Variants in GYG2 observed in about 807,000 individuals in gnomAD.
The protein encoded by GYG2 is glycogenin-2.
In GYG2, 29 loss-of-function variants were observed where a neutral mutation model predicts 29.4. The ratio of observed to expected loss-of-function variants is 0.99; its 90% CI spans 0.74 to 1.35. The LOEUF is 1.35. GYG2 is among the 40% of genes most tolerant of loss of function. GYG2 has a pLI of 0.00. For synonymous variants in GYG2, 167 were observed against 172.3 expected, an observed-to-expected ratio of 0.97 and a Z score of 0.24; for missense variants, 370 against 385.7, an observed-to-expected ratio of 0.96 and a Z score of 0.34.
At chrX:2,861,865 T>TCTG (rs2088177890) in intron 8 of GYG2, 143 bp downstream of exon 8, 1 of 483,680 alleles carries the variant, frequency 2.1e-6, no homozygotes, top group African/African-American at 2.4e-5. Context: ...CATTCAAGGC[T>TCTG]CTGCATTTAT....
rs374324698 is a variant in GYG2, at chrX:2,856,754, A to ATCTG, written c.614+133_614+134insGTCT. The ATCTG allele has an allele frequency of 3.3e-3, 1,168 of 355,490 alleles. 19 individuals carry two copies. The African/African-American group carries it at 0.035, about 11-fold the overall frequency. The allele number at this position is 355,490 out of a possible 1,213,427, so 29.3% of individuals were successfully genotyped here. A position where few individuals can be genotyped will look rare whatever the true frequency, so the allele number is the denominator to read the frequency against. Reference sequence around the variant, plus strand: ...CTATCTATCATCTATCTATCTATGTATCTATCTATCTATCTATCTATCTAT... The same window carrying ATCTG: ...CTATCTATCATCTATCTATCTATGTATCTGTCTATCTATCTATCTATCTATCTAT... On this transcript the variant is annotated intron_variant, in intron 6 of 10. Transcript: ENST00000398806.
intron 2 of GYG2, among the ~76,000 whole-genome samples, chrX:2,841,014 TAGATAGAA>T (rs1350517652): frequency 1.9e-5 from 2 of 107,414 alleles, no homozygotes; most frequent in African/African-American, 6.8e-5. Flanking sequence ...TATAGATAGA[TAGATAGAA>T]GGATGGATAG....
chrX:2,846,616 G>A (rs1274009846), intron 3 of GYG2, among the ~76,000 whole-genome samples: 7 of 110,080 alleles, frequency 6.4e-5, no homozygotes, highest in Admixed American at 2.0e-4. Flanking sequence ...GTGGTGGTGC[G>A]CACCTATAGT....
At chrX:2,855,302 G>T in intron 5 of GYG2, 147 bp downstream of exon 5, 1 of 505,586 alleles carries the variant, frequency 2.0e-6, no homozygotes, top group Non-Finnish European at 3.3e-6. Context: ...AAGTGATTTT[G>T]TCATTGTATG....
intron 8 of GYG2, among the ~76,000 whole-genome samples, chrX:2,872,033 C>T (rs1012344191): frequency 9.0e-6 from 1 of 111,614 alleles, no homozygotes; most frequent in Non-Finnish European, 1.9e-5. Flanking sequence ...TCTGCCTTTA[C>T]GATGTCCTCT....
chrX:2,876,428 ACT>A (rs1251971759), intron 9 of GYG2, among the ~76,000 whole-genome samples: 1 of 110,297 alleles, frequency 9.1e-6, no homozygotes, highest in East Asian at 2.8e-4. Context: ...CTGTTTTTAA[ACT>A]CTCAAAGAGA....
intron 2 of GYG2, among the ~76,000 whole-genome samples, chrX:2,830,788 C>T (rs773629583): frequency 8.9e-6 from 1 of 111,753 alleles, no homozygotes; most frequent in African/African-American, 3.3e-5. Context: ...CTGGGCATTG[C>T]GGCACCTGCC....
intron 2 of GYG2, among the ~76,000 whole-genome samples, chrX:2,831,078 A>G (rs1330704475): frequency 1.8e-5 from 2 of 112,738 alleles, no homozygotes; most frequent in Non-Finnish European, 3.8e-5. Flanking sequence ...GGTTGACTTA[A>G]GAGGCCTAGA....
At chrX:2,839,058 A>G (rs2087441252) in intron 2 of GYG2, among the ~76,000 whole-genome samples, 1 of 112,423 alleles carries the variant, frequency 8.9e-6, no homozygotes, top group Admixed American at 9.5e-5. Context: ...TATATGTATA[A>G]AAATGAGGAA....
At chrX:2,837,507 C>T (rs1238984417) in intron 2 of GYG2, among the ~76,000 whole-genome samples, 2 of 110,676 alleles carry the variant, frequency 1.8e-5, no homozygotes, top group Non-Finnish European at 3.8e-5. Flanking sequence ...CTGAGCATCT[C>T]GAAGGTGGAC....
chrX:2,839,533 A>T (rs2087449484), intron 2 of GYG2, among the ~76,000 whole-genome samples: 1 of 111,621 alleles, frequency 9.0e-6, no homozygotes, highest in African/African-American at 3.3e-5. Flanking sequence ...AGGCCATATG[A>T]TGCTTAATTC....
intron 10 of GYG2, among the ~76,000 whole-genome samples, chrX:2,879,562 GCTAT>G (rs1240387872): frequency 8.9e-6 from 1 of 111,978 alleles, no homozygotes; most frequent in Non-Finnish European, 1.9e-5. Context: ...ACCACACCCG[GCTAT>G]CTATCTATTT....
At position 2,882,713 on chromosome X, in the gene GYG2, G is replaced by C. The variant is rs757282775; in HGVS notation, c.*1500G>C. On this transcript the variant is annotated 3_prime_UTR_variant, in exon 11 of 11. Transcript: ENST00000398806. The stretch of plus-strand genomic sequence containing the variant: ...AATTCATGTTCACGGGCAGTGATGA[G>C]TTGGCTTATGGAGTGAGTCCAGTCT... 5 of 110,253 alleles carry C rather than the reference G, an allele frequency of 4.5e-5. No individual in the cohort carries two copies. Among genetic ancestry groups the C allele is most frequent in the Non-Finnish European group, 7.6e-5 (4 of 52,835 alleles). The allele number at this position is 110,253 out of a possible 1,213,427, so 9.1% of individuals were successfully genotyped here.
intron 8 of GYG2, among the ~76,000 whole-genome samples, chrX:2,867,131 C>T (rs989304011): frequency 9.0e-6 from 1 of 111,585 alleles, no homozygotes; most frequent in Non-Finnish European, 1.9e-5. Context: ...AGCTCAAGGC[C>T]AAGGGTAAGA....
At chrX:2,847,594 C>T (rs1037981965) in intron 3 of GYG2, among the ~76,000 whole-genome samples, 1 of 105,186 alleles carries the variant, frequency 9.5e-6, no homozygotes, top group Non-Finnish European at 1.9e-5. Context: ...ATCCCAGCTA[C>T]TCGGTGAGGC....
At chrX:2,836,952 C>T (rs745721580) in intron 2 of GYG2, among the ~76,000 whole-genome samples, 3 of 111,233 alleles carry the variant, frequency 2.7e-5, no homozygotes, top group Non-Finnish European at 5.7e-5. Flanking sequence ...GAGCAACAGA[C>T]GGAGACCTTC....
At position 2,856,595 on chromosome X, in the gene GYG2, G is replaced by C. The variant is rs772837599; in HGVS notation, c.585G>C (p.Thr195=). ...TCATCTATAACTTGAGTAGTAACAC[G>C]ATGTACACTTACAGCCCTGCCTTCA... ...LPFIYNLSSN[T]MYTYSPAFKQ... is the part of the protein sequence containing the mutation. Residue 195 remains threonine (T), a synonymous_variant, in exon 6 of 11, where the codon ACG becomes ACC. Coordinates refer to ENST00000398806, the MANE Select transcript of GYG2 (RefSeq NM_001079855.2). 1 of 1,203,911 alleles carries C rather than the reference G, an allele frequency of 8.3e-7. No individual in the cohort carries two copies. The highest frequency in any genetic ancestry group is 1.1e-6 in the Non-Finnish European group (1 of 891,300).
intron 6 of GYG2, among the ~76,000 whole-genome samples, chrX:2,858,369 G>A (rs1483636374): frequency 9.0e-6 from 1 of 111,576 alleles, no homozygotes; most frequent in Non-Finnish European, 1.9e-5. Flanking sequence ...GGGAGGCTGC[G>A]GAGGGAGGCT....
At position 2,828,948 on chromosome X, in the gene GYG2, G is replaced by A. The variant is rs895881354; in HGVS notation, c.-156G>A. 9.0e-6 allele frequency: 1 copy of A among 110,878 alleles called. No individual in the cohort carries two copies. The highest frequency in any genetic ancestry group is 1.9e-5 in the Non-Finnish European group (1 of 52,644). The allele number at this position is 110,878 out of a possible 1,213,427, so 9.1% of individuals were successfully genotyped here. A position where few individuals can be genotyped will look rare whatever the true frequency, so the allele number is the denominator to read the frequency against. On this transcript the variant is annotated 5_prime_UTR_variant, in exon 1 of 11. Transcript: ENST00000398806. ...CCTCGGGGCCTCCAGCGCCGGCTCT[G>A]GGCCGAGGCAGCCAGAGCGCGGAAG...
Sources: gnomAD v4.1 joint callset for allele counts (sites outside exome capture counted in the v4.1 genomes callset) on GRCh38, gnomAD v4.1.1 for gene constraint, MANE v1.5 for transcripts, NCBI Gene and HGNC (gene_info 2026-07-23, HGNC 2026-07-21) for gene names.